Variants in GXYLT2 observed in about 807,000 individuals in gnomAD.
The protein encoded by GXYLT2 is glycosyltransferase 8 domain containing 4.
A neutral mutation model predicts 45.8 loss-of-function variants in GXYLT2; 53 were observed. That is an observed-to-expected ratio of 1.16 (90% CI 0.93 to 1.46). The LOEUF is 1.46. Ranked by LOEUF, GXYLT2 falls within the 40% of genes most tolerant of loss-of-function variation. GXYLT2 has a pLI of 0.00. For synonymous variants in GXYLT2, 219 were observed against 214.2 expected (o/e 1.02, Z -0.19); for missense variants, 551 against 544.4 (o/e 1.01, Z -0.12).
At chr3:72,943,198 G>A (rs1710331289) in intron 3 of GXYLT2, among the ~76,000 whole-genome samples, 1 of 152,136 alleles carries the variant, frequency 6.6e-6, no homozygotes, top group African/African-American at 2.4e-5. Flanking sequence ...GGAGGACAGG[G>A]ACCTCATATA....
intron 1 of GXYLT2, among the ~76,000 whole-genome samples, chr3:72,901,641 A>C (rs1189381322): frequency 7.2e-6 from 1 of 139,750 alleles, no homozygotes; most frequent in Non-Finnish European, 1.5e-5. Flanking sequence ...GCTCACTGCA[A>C]GCTCCGCCTC....
At chr3:72,940,824 C>G (rs191977151) in intron 3 of GXYLT2, among the ~76,000 whole-genome samples, 96 of 152,138 alleles carry the variant, frequency 6.3e-4, no homozygotes, top group Admixed American at 1.8e-3. Flanking sequence ...TGGAATTACC[C>G]ACCCAAACTA....
rs1709846699 is a variant in GXYLT2, at chr3:72,922,326, C to T, written c.591C>T (p.Leu197=). The T allele has an allele frequency of 1.9e-6, 3 of 1,611,110 alleles. No homozygotes were observed. Among genetic ancestry groups the T allele is most frequent in the Non-Finnish European group, 2.5e-6 (3 of 1,179,160 alleles). Residue 197 remains leucine (L), a synonymous_variant, in exon 3 of 7, where the codon CTC becomes CTT. Transcript: ENST00000389617. ...KLFKPCAAQR[L]FLPVILKDVD... ...TCAAACCCTGTGCTGCCCAGAGACT[C>T]TTTCTTCCGGTAGGAACACCTGTTT...
At chr3:72,935,867 C>T (rs1408270991) in intron 3 of GXYLT2, among the ~76,000 whole-genome samples, 1 of 152,106 alleles carries the variant, frequency 6.6e-6, no homozygotes, top group Non-Finnish European at 1.5e-5. Context: ...CTAATGTACT[C>T]CACTGAAATG....
chr3:72,925,059 C>T (rs1297910787), intron 3 of GXYLT2, among the ~76,000 whole-genome samples: 4 of 152,062 alleles, frequency 2.6e-5, no homozygotes, highest in South Asian at 2.1e-4. Flanking sequence ...GCATTTCCTA[C>T]GCAGAGACCT....
intron 2 of GXYLT2, among the ~76,000 whole-genome samples, chr3:72,911,677 G>A (rs896998205): frequency 2.6e-5 from 4 of 152,112 alleles, no homozygotes; most frequent in Admixed American, 1.3e-4. Flanking sequence ...CCATAGTCCT[G>A]TAATCTCATG....
chr3:72,959,073 G>A (rs369402800), intron 5 of GXYLT2, among the ~76,000 whole-genome samples: 48 of 144,360 alleles, frequency 3.3e-4, no homozygotes, highest in Middle Eastern at 3.7e-3. Flanking sequence ...CTCCCAAGTA[G>A]CTGGGACTAT....
At chr3:72,962,964 A>AC (rs145982038) in intron 5 of GXYLT2, among the ~76,000 whole-genome samples, 11,874 of 150,192 alleles carry the variant, frequency 0.079, 507 homozygotes, top group Admixed American at 0.1. Context: ...TAAAAAAAAA[A>AC]AACAAAAAAA....
chr3:72,906,553 C>T (rs1039752247), intron 1 of GXYLT2, among the ~76,000 whole-genome samples: 1 of 152,072 alleles, frequency 6.6e-6, no homozygotes, highest in African/African-American at 2.4e-5. Context: ...TTTTGTGTTT[C>T]CCTTATTCCC....
Position 72,976,500 on chromosome 3 carries a change from A to G in GXYLT2, c.*1341A>G, listed in dbSNP as rs1003673593. On this transcript the variant is annotated 3_prime_UTR_variant, in exon 7 of 7. Transcript: ENST00000389617. ...CTGCTTCTATTGGTAAGAAAATTCA[A>G]CTTCCTACCAGCCTTAGAAAGGTCT... 6.6e-6 allele frequency: 1 copy of G among 152,188 alleles called. No individual in the cohort carries two copies. Among genetic ancestry groups the G allele is most frequent in the African/African-American group, 2.4e-5 (1 of 41,440 alleles). The allele number at this position is 152,188 out of a possible 1,614,324, so 9.4% of individuals were successfully genotyped here.
rs760769079 is a variant in GXYLT2, at chr3:72,967,574, G to A, written c.1004G>A (p.Trp335Ter). The A allele has an allele frequency of 3.7e-6, 6 of 1,613,838 alleles. No individual in the cohort carries two copies. The African/African-American group carries it at 5.3e-5, about 14-fold the overall frequency. Reference protein sequence around the residue: ...PECLYVFPCQWNYRPDHCMYG... With the variant: ...PECLYVFPCQ ...TGTCTCTATGTATTCCCCTGCCAGT[G>A]GAACTACCGTCCCGATCACTGCATG... Residue 335 changes from tryptophan to a stop codon, truncating the protein, a stop_gained, in exon 6 of 7, where the codon TGG (tryptophan) becomes TAG (stop). Transcript: ENST00000389617. LOFTEE classifies it high-confidence loss of function.
chr3:72,925,974 T>G (rs1709912151), intron 3 of GXYLT2, among the ~76,000 whole-genome samples: 1 of 152,228 alleles, frequency 6.6e-6, no homozygotes, highest in Admixed American at 6.5e-5. Flanking sequence ...ATGGCATTTT[T>G]GGGCATCAGT....
At chr3:72,960,118 G>C (rs1194107050) in intron 5 of GXYLT2, among the ~76,000 whole-genome samples, 2 of 152,020 alleles carry the variant, frequency 1.3e-5, no homozygotes, top group Non-Finnish European at 2.9e-5. Flanking sequence ...GCTAATTTTT[G>C]TAATTTTTGT....
At chr3:72,907,126 A>T (rs921390773) in intron 1 of GXYLT2, among the ~76,000 whole-genome samples, 1 of 152,096 alleles carries the variant, frequency 6.6e-6, no homozygotes, top group Non-Finnish European at 1.5e-5. Context: ...GAAGTGGACA[A>T]TTTCCAGAGA....
chr3:72,949,980 T>C (rs1280881526), intron 3 of GXYLT2, among the ~76,000 whole-genome samples: 2 of 152,084 alleles, frequency 1.3e-5, no homozygotes, highest in African/African-American at 4.8e-5. Context: ...CATTTAATCA[T>C]CCTGGCAGCA....
At chr3:72,898,101 G>C (rs1407135529) in intron 1 of GXYLT2, among the ~76,000 whole-genome samples, 1 of 152,150 alleles carries the variant, frequency 6.6e-6, no homozygotes, top group Non-Finnish European at 1.5e-5. Flanking sequence ...ATTTTTGCTA[G>C]TGGTATTTAA....
intron 3 of GXYLT2, among the ~76,000 whole-genome samples, chr3:72,949,760 G>A (rs1441105471): frequency 1.3e-5 from 2 of 151,742 alleles, no homozygotes; most frequent in South Asian, 2.1e-4. Context: ...TGATCCGCTC[G>A]CCTTAGCCTC....
intron 3 of GXYLT2, among the ~76,000 whole-genome samples, chr3:72,940,708 G>T (rs186244894): frequency 2.6e-5 from 4 of 152,250 alleles, no homozygotes; most frequent in Admixed American, 2.6e-4. Context: ...CTGAGACAGG[G>T]TCTCCCTCTG....
At chr3:72,929,365 G>A in intron 3 of GXYLT2, 4 of 1,037,546 alleles carry the variant, frequency 3.9e-6, no homozygotes, top group Non-Finnish European at 6.0e-6. Context: ...TACATTTGGG[G>A]AAAAAAAAAT....
Sources: gnomAD v4.1 joint callset for allele counts (sites outside exome capture counted in the v4.1 genomes callset) on GRCh38, gnomAD v4.1.1 for gene constraint, MANE v1.5 for transcripts, NCBI Gene and HGNC (gene_info 2026-07-23, HGNC 2026-07-21) for gene names.